Variants in DHX35 observed in about 807,000 individuals in gnomAD.
The protein encoded by DHX35 is probable ATP-dependent RNA helicase DHX35.
A neutral mutation model predicts 99.6 loss-of-function variants in DHX35; 84 were observed. The observed-to-expected ratio is 0.84, with a 90% CI of 0.71 to 1.01. The LOEUF (loss-of-function observed/expected upper bound fraction) is 1.01, where lower values mean the gene tolerates loss of function less well. Ranked by LOEUF, DHX35 falls within the 50% of genes least tolerant of loss-of-function variation. The pLI is 0.00. For synonymous variants in DHX35, 331 were observed against 316.2 expected (o/e 1.05, Z -0.50); for missense variants, 852 against 888.5 (o/e 0.96, Z 0.52).
chr20:38,977,589 A>G, intron 3 of DHX35: 1 of 302,144 alleles, frequency 3.3e-6, no homozygotes, highest in Non-Finnish European at 6.3e-6. Context: ...TTCCATCTTT[A>G]AAAATGAAAC....
rs539299847 is a variant in DHX35 at position 39,013,281 on chromosome 20, G to A, written c.1348-1599G>A. 1.9e-4 allele frequency among the ~76,000 whole-genome samples: 29 copies of A among 152,190 alleles called. 2 individuals are homozygous for A. The South Asian group carries it at 6.0e-3, about 32-fold the overall frequency. Reference sequence around the variant, plus strand: ...GGTGAAAAACTGGAACAATTTAATTGCCCAGCAATAAGAAAATTGACTTTT... The same window carrying A: ...GGTGAAAAACTGGAACAATTTAATTACCCAGCAATAAGAAAATTGACTTTT... On this transcript the variant is annotated intron_variant, in intron 13 of 21. Coordinates refer to ENST00000252011, the MANE Select transcript of DHX35 (RefSeq NM_021931.4).
At chr20:38,999,070 G>T (rs527352984) in intron 8 of DHX35, among the ~76,000 whole-genome samples, 1 of 152,188 alleles carries the variant, frequency 6.6e-6, no homozygotes, top group East Asian at 1.9e-4. Flanking sequence ...AAGTGCCACC[G>T]CATGAGCCAC....
At chr20:39,005,059 A>G (rs2086590553) in intron 11 of DHX35, among the ~76,000 whole-genome samples, 1 of 152,198 alleles carries the variant, frequency 6.6e-6, no homozygotes, top group African/African-American at 2.4e-5. Context: ...AATAACTTTC[A>G]GATAGGTGGT....
intron 21 of DHX35, among the ~76,000 whole-genome samples, chr20:39,034,616 C>T (rs2087117325): frequency 7.2e-6 from 1 of 139,504 alleles, no homozygotes; most frequent in South Asian, 2.2e-4. Context: ...TTGAGACAGT[C>T]TCACTCTGCC....
rs193014079 is a variant in DHX35 at position 39,015,300 on chromosome 20, G to A, written c.1402+366G>A. Among the ~76,000 whole-genome samples, 11 of 152,268 alleles carry A rather than the reference G, an allele frequency of 7.2e-5. No individual in the cohort carries two copies. In the East Asian group the frequency reaches 1.5e-3, roughly 21 times the overall value. The stretch of plus-strand genomic sequence containing the variant: ...CCACATCCTTAAAAATCGTGGCTCA[G>A]TATTCTCTCCCTAAATCCTCTTCAT... On this transcript the variant is annotated intron_variant, in intron 14 of 21. Transcript: ENST00000252011.
intron 18 of DHX35, 139 bp from the exon 19 acceptor site, chr20:39,028,279 T>C (rs1038138463): frequency 1.4e-5 from 11 of 798,528 alleles, no homozygotes; most frequent in Non-Finnish European, 2.4e-5. Context: ...AGGGTAGGGC[T>C]GGAGCCATTT....
intron 12 of DHX35, among the ~76,000 whole-genome samples, chr20:39,009,485 A>G (rs1568744649): frequency 6.6e-6 from 1 of 152,032 alleles, no homozygotes; most frequent in Non-Finnish European, 1.5e-5. Context: ...TTGTTTAAGA[A>G]GGGTGTACAT....
At chr20:38,977,372 T>C (rs1468791040) in intron 3 of DHX35, among the ~76,000 whole-genome samples, 1 of 152,226 alleles carries the variant, frequency 6.6e-6, no homozygotes, top group East Asian at 1.9e-4. Flanking sequence ...TTCGTATATA[T>C]GAAATAATAC....
At position 39,010,330 on chromosome 20, in the gene DHX35, A is replaced by G. The variant is rs866937256; in HGVS notation, c.1273A>G (p.Ser425Gly). The G allele has an allele frequency of 6.2e-7, 1 of 1,614,168 alleles. No individual in the cohort carries two copies. Among genetic ancestry groups the G allele is most frequent in the Non-Finnish European group, 8.5e-7 (1 of 1,180,022 alleles). The change falls in exon 13 of 22, where the codon AGT (serine) becomes GGT (glycine). Residue 425 changes from serine (S) to glycine (G), a missense_variant. Ser to Gly is a moderately conservative substitution (Grantham distance 56). Coordinates refer to ENST00000252011, the MANE Select transcript of DHX35 (RefSeq NM_021931.4). ...PQSTVPEMQR[S>G]NLAPVILQLK... is the part of the protein sequence containing the mutation. ...GTCTACGGTTCCTGAGATGCAGCGT[A>G]GTAATTTGGCACCTGTCATCCTGCA...
At chr20:39,030,506 C>T in intron 19 of DHX35, 198 bp from the exon 20 acceptor site, 1 of 556,990 alleles carries the variant, frequency 1.8e-6, no homozygotes, top group South Asian at 2.4e-5. Context: ...TCGCTTTTTC[C>T]ACGTGATTTA....
At chr20:38,972,137 G>A (rs1418575688) in intron 2 of DHX35, among the ~76,000 whole-genome samples, 2 of 151,496 alleles carry the variant, frequency 1.3e-5, no homozygotes, top group African/African-American at 2.4e-5. Context: ...AGCGTCCTGA[G>A]TAGCTAGTAT....
In DHX35 at chr20:39,034,313, G is replaced by A. The variant is rs372999049; in HGVS notation, c.2063G>A (p.Gly688Glu). The change falls in exon 21 of 22, where the codon GGA becomes GAA. Residue 688 changes from glycine (G) to glutamate (E), a missense_variant. Transcript: ENST00000252011. ...LELAPHFYQQ[G>E]THLSLKAKRA... ...CTGGCTCCACACTTTTATCAACAAGGAACGGTAGGAATGAACTGAGTCTGT... is the reference window on the plus strand; with the variant it reads ...CTGGCTCCACACTTTTATCAACAAGAAACGGTAGGAATGAACTGAGTCTGT... 5.4e-5 allele frequency: 87 copies of A among 1,613,170 alleles called. No individual in the cohort carries two copies. The highest frequency in any genetic ancestry group is 6.8e-5 in the Non-Finnish European group (80 of 1,179,264).
Position 38,989,020 on chromosome 20 carries a change from A to G in DHX35, c.450+103A>G, listed in dbSNP as rs917834498. Reference sequence around the variant, plus strand: ...TGCTGCTGTACAGGACATTGATACCATGGCAGAAAGTGAAGAAAAGTATCC... The same window carrying G: ...TGCTGCTGTACAGGACATTGATACCGTGGCAGAAAGTGAAGAAAAGTATCC... On this transcript the variant is annotated intron_variant, in intron 5 of 21. Coordinates refer to ENST00000252011, the MANE Select transcript of DHX35 (RefSeq NM_021931.4). 3.8e-5 allele frequency: 49 copies of G among 1,306,330 alleles called. 1 individual carries two copies. In the African/African-American group the frequency reaches 6.7e-4, roughly 18 times the overall value. 80.9% of individuals were successfully genotyped at this position (1,306,330 alleles called of 1,614,324 possible).
chr20:39,023,261 G>T (rs2086900361), intron 16 of DHX35, among the ~76,000 whole-genome samples: 2 of 152,220 alleles, frequency 1.3e-5, no homozygotes, highest in Non-Finnish European at 2.9e-5. Flanking sequence ...GTTCTTTCAA[G>T]ATATGGCAGA....
chr20:39,023,624 A>G, intron 16 of DHX35, 66 bp from the exon 17 acceptor site: 1 of 1,471,614 alleles, frequency 6.8e-7, no homozygotes, highest in Non-Finnish European at 9.5e-7. Flanking sequence ...AAATGCTGGG[A>G]TTATAGGTGT....
At chr20:39,023,897 T>G (rs1289203653) in intron 17 of DHX35, 130 bp downstream of exon 17, 3 of 729,702 alleles carry the variant, frequency 4.1e-6, no homozygotes, top group East Asian at 5.7e-5. Flanking sequence ...CTGTTAGATT[T>G]ATTGCCAGTA....
At chr20:38,995,038 C>T (rs1194273652) in intron 8 of DHX35, among the ~76,000 whole-genome samples, 158 bp downstream of exon 8, 2 of 152,164 alleles carry the variant, frequency 1.3e-5, no homozygotes, top group South Asian at 2.1e-4. Context: ...TCAGAGGTTA[C>T]TCCTTTTCAG....
intron 1 of DHX35, 102 bp downstream of exon 1, chr20:38,962,509 C>T (rs1026615601): frequency 6.3e-6 from 9 of 1,421,636 alleles, no homozygotes; most frequent in Non-Finnish European, 8.6e-6. Flanking sequence ...GCAGGCCTGA[C>T]CTCGGCGAGC....
intron 4 of DHX35, among the ~76,000 whole-genome samples, chr20:38,987,092 A>T (rs1226265075): frequency 6.6e-6 from 1 of 152,112 alleles, no homozygotes; most frequent in South Asian, 2.1e-4. Flanking sequence ...GGTGCTGGGG[A>T]GGTTGTCTCA....
Sources: allele counts gnomAD v4.1 joint callset (sites outside exome capture counted in the v4.1 genomes callset), GRCh38; gene constraint gnomAD v4.1.1; transcripts MANE v1.5; gene names NCBI Gene and HGNC (gene_info 2026-07-23, HGNC 2026-07-21).